HHIPL1: variants seen among roughly 807,000 people sequenced by gnomAD.
The protein encoded by HHIPL1 is HHIP-like protein 1.
HHIPL1 carries 43 observed loss-of-function variants against 61.8 expected under a neutral mutation model. The ratio of observed to expected loss-of-function variants is 0.70; its 90% confidence interval spans 0.55 to 0.90. The LOEUF is 0.90. Ranked by LOEUF, HHIPL1 falls within the 40% of genes least tolerant of loss-of-function variation. The pLI, the probability that HHIPL1 is intolerant of heterozygous loss-of-function variation, is 0.00. For synonymous variants in HHIPL1, 482 were observed against 515.8 expected, an observed-to-expected ratio of 0.93 and a Z score of 0.89; for missense variants, 1,056 against 1,157.7, an observed-to-expected ratio of 0.91 and a Z score of 1.28.
rs1555377044 is a variant in HHIPL1 at position 99,654,201 on chromosome 14, A to AAG, written c.902+1332_902+1333insGA. ...AAGACTCTGTCTCAAAAAAAAAAAA[A>AAG]AAAAAAAGAAAAAAGAAAAAAGGCA... On this transcript the variant is annotated intron_variant, in intron 2 of 8. Transcript: ENST00000330710. Among the ~76,000 whole-genome samples, 4 of 151,466 alleles carry AAG rather than the reference A, an allele frequency of 2.6e-5. No homozygotes were observed. In the East Asian group the frequency reaches 5.8e-4, roughly 22 times the overall value.
chr14:99,645,460 C>T lies in HHIPL1; in HGVS notation c.253C>T (p.Gln85Ter), dbSNP rs1344868796. The T allele has an allele frequency of 2.3e-6, 3 of 1,294,356 alleles. No homozygotes were observed. Among genetic ancestry groups the T allele is most frequent in the Non-Finnish European group, 2.9e-6 (3 of 1,028,090 alleles). The allele number at this position is 1,294,356 out of a possible 1,614,324, so 80.2% of individuals were successfully genotyped here. A position where few individuals can be genotyped will look rare whatever the true frequency, so the allele number is the denominator to read the frequency against. The change falls in exon 1 of 9, where the codon CAG becomes TAG. Residue 85 changes from glutamine (Q) to a stop codon, truncating the protein, a stop_gained and splice_region_variant. Transcript: ENST00000330710. LOFTEE classifies it high-confidence loss of function. ...CGGCTACGCGAGGGACCTGCTGTGCCAGGTGAGCGGGCGCGCGGCCACCGG... is the reference window on the plus strand; with the variant it reads ...CGGCTACGCGAGGGACCTGCTGTGCTAGGTGAGCGGGCGCGCGGCCACCGG... Reference protein sequence around the residue: ...CAGYARDLLCQECSPYAAHLY... With the variant: ...CAGYARDLLC
the HHIPL1 span, among the ~76,000 whole-genome samples, chr14:99,636,449 G>A: frequency 6.6e-6 from 1 of 152,132 alleles, no homozygotes; most frequent in Non-Finnish European, 1.5e-5. Flanking sequence ...TCTGTCTTCT[G>A]TTTTTTTCCT....
chr14:99,657,388 C>T (rs1303719011), intron 3 of HHIPL1, among the ~76,000 whole-genome samples: 1 of 152,204 alleles, frequency 6.6e-6, no homozygotes, highest in Non-Finnish European at 1.5e-5. Flanking sequence ...CATGGCTGCT[C>T]AGGGCCTGGC....
intron 1 of HHIPL1, among the ~76,000 whole-genome samples, chr14:99,647,043 G>A (rs888554946): frequency 2.6e-5 from 4 of 152,148 alleles, no homozygotes; most frequent in Admixed American, 6.5e-5. Flanking sequence ...CTTGGAGCCC[G>A]AATCAAGGAA....
chr14:99,605,369 A>AGGCGGGGCGG, the HHIPL1 span, among the ~76,000 whole-genome samples: 361 of 76,698 alleles, frequency 4.7e-3, 3 homozygotes, highest in African/African-American at 0.011. Context: ...TACCGCCAGC[A>AGGCGGGGCGG]GGCGGGGCGG....
the HHIPL1 span, among the ~76,000 whole-genome samples, chr14:99,628,590 A>AG: frequency 6.6e-6 from 1 of 151,560 alleles, no homozygotes; most frequent in Non-Finnish European, 1.5e-5. Flanking sequence ...TCAAAAAAAA[A>AG]AAAAAAGAAA....
chr14:99,672,528 C>A, intron 8 of HHIPL1, 129 bp downstream of exon 8: 1 of 728,990 alleles, frequency 1.4e-6, no homozygotes. Flanking sequence ...CTGTGCCTAG[C>A]ACTGTGCCTG....
At chr14:99,614,798 C>G in the HHIPL1 span, among the ~76,000 whole-genome samples, 1 of 152,170 alleles carries the variant, frequency 6.6e-6, no homozygotes, top group African/African-American at 2.4e-5. Context: ...ACGAGGGTTT[C>G]CGGAGGCCAG....
At chr14:99,639,572 C>A in the HHIPL1 span, among the ~76,000 whole-genome samples, 1 of 152,180 alleles carries the variant, frequency 6.6e-6, no homozygotes, top group African/African-American at 2.4e-5. Context: ...GTCTTGAACT[C>A]CTGGGCTCAA....
In HHIPL1 at chr14:99,675,527, G is replaced by C; in HGVS notation, c.2250G>C (p.Arg750=). The change falls in exon 9 of 9, where the codon CGG becomes CGC. Residue 750 remains arginine (R), a synonymous_variant. Transcript: ENST00000330710. The surrounding 1 kb of genome is among the most constrained non-coding windows in gnomAD (Gnocchi z 5.4). ...ATGTGCGCTGCGCGGGCTGGGAGCG[G>C]AACCTGCTGGAGTGCCAGCACAACG... ...LDDVRCAGWE[R]NLLECQHNGV... is the part of the protein sequence containing the mutation. 1.3e-6 allele frequency: 2 copies of C among 1,541,748 alleles called. No homozygotes were observed. The highest frequency in any genetic ancestry group is 3.9e-5 in the Admixed American group (2 of 50,982).
rs908533916 is a variant in HHIPL1 at position 99,652,585 on chromosome 14, C to T, written c.617C>T (p.Thr206Ile). The T allele has an allele frequency of 1.2e-6, 2 of 1,613,096 alleles. No individual in the cohort carries two copies. The highest frequency in any genetic ancestry group is 2.7e-5 in the African/African-American group (2 of 75,058). ...GCCATGGTCCATGCCAGGGATGGCA[C>T]CCACCGCTTCTTCGTGGCCGAGCAG... ...PVAMVHARDG[T>I]HRFFVAEQVG... The change falls in exon 2 of 9, where the codon ACC becomes ATC. Residue 206 changes from threonine to isoleucine, a missense_variant. Coordinates refer to ENST00000330710, the MANE Select transcript of HHIPL1 (RefSeq NM_001127258.3).
chr14:99,635,034 A>G, the HHIPL1 span, among the ~76,000 whole-genome samples: 2 of 152,180 alleles, frequency 1.3e-5, no homozygotes, highest in Admixed American at 1.3e-4. Context: ...GCAAGTTTGA[A>G]GCAAATCCCC....
chr14:99,624,851 C>G, the HHIPL1 span: 1 of 152,272 alleles, frequency 6.6e-6, no homozygotes, highest in Non-Finnish European at 1.5e-5. Context: ...CGGAAGCAAG[C>G]CCTTGCCTGA....
chr14:99,651,150 G>A (rs974882282), intron 1 of HHIPL1, among the ~76,000 whole-genome samples: 1 of 152,190 alleles, frequency 6.6e-6, no homozygotes, highest in Non-Finnish European at 1.5e-5. Flanking sequence ...TCAGGAGGCT[G>A]AGGCAGGAGC....
the HHIPL1 span, among the ~76,000 whole-genome samples, chr14:99,609,053 T>G: frequency 0.1 from 15,260 of 152,256 alleles, 814 homozygotes; most frequent in Non-Finnish European, 0.11. Flanking sequence ...CCTGGACCCA[T>G]GTTCACCACC....
Position 99,680,067 on chromosome 14 carries a change from T to A in HHIPL1, c.*4441T>A, listed in dbSNP as rs900074141. ...CACCCTCAATATCACTGTCCCTGTT[T>A]TCCAGATGAGGGGACAGATTCCTAG... On this transcript the variant is annotated 3_prime_UTR_variant, in exon 9 of 9. Transcript: ENST00000330710. 1 of 152,198 alleles carries A rather than the reference T, an allele frequency of 6.6e-6. No homozygotes were observed. Among genetic ancestry groups the A allele is most frequent in the Non-Finnish European group, 1.5e-5 (1 of 68,034 alleles). 9.4% of individuals were successfully genotyped at this position (152,198 alleles called of 1,614,324 possible). A position where few individuals can be genotyped will look rare whatever the true frequency, so the allele number is the denominator to read the frequency against.
rs1282923553 is a variant in HHIPL1 at position 99,652,795 on chromosome 14, G to A, written c.827G>A (p.Ser276Asn). 3 of 1,614,136 alleles carry A rather than the reference G, an allele frequency of 1.9e-6. No individual in the cohort carries two copies. In the South Asian group the frequency reaches 3.3e-5, roughly 18 times the overall value. Residue 276 changes from serine to asparagine, a missense_variant, in exon 2 of 9, where the codon AGC becomes AAC. Ser to Asn is a conservative substitution (Grantham distance 46, BLOSUM62 1). Coordinates refer to ENST00000330710, the MANE Select transcript of HHIPL1 (RefSeq NM_001127258.3). ...LYVYYSVGIR[S>N]SEWIRISEFR... is the part of the protein sequence containing the mutation. ...GTCTACTACTCAGTGGGTATCCGCA[G>A]CAGTGAGTGGATCCGCATCAGCGAG... is the stretch of plus-strand genomic sequence containing the variant.
At chr14:99,629,196 C>T in the HHIPL1 span, among the ~76,000 whole-genome samples, 1 of 152,250 alleles carries the variant, frequency 6.6e-6, no homozygotes, top group Non-Finnish European at 1.5e-5. Flanking sequence ...CCTTTCCCCA[C>T]CTTATACCTG....
the HHIPL1 span, among the ~76,000 whole-genome samples, chr14:99,637,166 G>A: frequency 8.1e-4 from 82 of 101,116 alleles, 2 homozygotes; most frequent in African/African-American, 2.5e-3. Context: ...AAGAAAGAAA[G>A]AAAAAGAAAG....
Sources: allele counts gnomAD v4.1 joint callset (sites outside exome capture counted in the v4.1 genomes callset), GRCh38; gene constraint gnomAD v4.1.1; non-coding constraint Gnocchi (gnomAD v3.1); transcripts MANE v1.5; gene names NCBI Gene and HGNC (gene_info 2026-07-23, HGNC 2026-07-21).